Variants in PREX1 observed in about 807,000 individuals in gnomAD.
The protein encoded by PREX1 is phosphatidylinositol-3,4,5-trisphosphate dependent Rac exchange factor 1.
PREX1 carries 41 observed loss-of-function variants against 198.3 expected under a neutral mutation model. The ratio of observed to expected loss-of-function variants is 0.21; its 90% CI spans 0.16 to 0.27. The LOEUF is 0.27. PREX1 is among the 10% of genes least tolerant of loss of function. The pLI is 1.00. For missense variants in PREX1, 1,620 were observed against 2,200.7 expected (o/e 0.74, Z 5.28); for synonymous variants, 843 against 887.2 (o/e 0.95, Z 0.89).
chr20:48,777,978 G>C (rs1479522522), intron 1 of PREX1, among the ~76,000 whole-genome samples: 1 of 152,166 alleles, frequency 6.6e-6, no homozygotes, highest in Non-Finnish European at 1.5e-5. Context: ...GAAAGTGACT[G>C]AGTGAAGCTG....
chr20:48,776,773 A>G (rs1237870648), intron 1 of PREX1, among the ~76,000 whole-genome samples: 5 of 152,224 alleles, frequency 3.3e-5, no homozygotes, highest in Non-Finnish European at 2.9e-5. Flanking sequence ...AACACAAAAA[A>G]TCAGAACAGC....
chr20:48,882,652 C>A, the PREX1 span, among the ~76,000 whole-genome samples: 21 of 151,710 alleles, frequency 1.4e-4, no homozygotes, highest in Non-Finnish European at 3.1e-4. Context: ...TTTTGAGGAA[C>A]TGCCAAACTG....
upstream of PREX1, among the ~76,000 whole-genome samples, chr20:48,831,333 A>T (rs7267607): frequency 6.6e-6 from 1 of 152,210 alleles, no homozygotes; most frequent in Admixed American, 6.5e-5. Context: ...AGACCTGCTT[A>T]GTCCCCTGGC....
intron 1 of PREX1, among the ~76,000 whole-genome samples, chr20:48,812,916 A>G (rs930978841): frequency 1.3e-5 from 2 of 152,268 alleles, no homozygotes; most frequent in African/African-American, 2.4e-5. Context: ...AATGCAAGGA[A>G]CAAAGAGGAA....
intron 33 of PREX1, 93 bp from the exon 34 acceptor site, chr20:48,632,732 G>A (rs2089325319): frequency 3.4e-6 from 5 of 1,450,960 alleles, no homozygotes; most frequent in Non-Finnish European, 4.7e-6. Context: ...GCACCTCCCT[G>A]CCCCCAGGTC....
At chr20:48,648,239 A>G (rs1390471230) in intron 25 of PREX1, among the ~76,000 whole-genome samples, 1 of 152,182 alleles carries the variant, frequency 6.6e-6, no homozygotes, top group African/African-American at 2.4e-5. Flanking sequence ...CCAAGATAAC[A>G]CGTAATTCCA....
intron 3 of PREX1, among the ~76,000 whole-genome samples, chr20:48,743,995 G>A (rs2090095378): frequency 1.4e-5 from 2 of 147,026 alleles, no homozygotes; most frequent in African/African-American, 5.0e-5. Flanking sequence ...AGTTAGTGAT[G>A]ATGATGATGA....
chr20:48,685,038 G>A (rs961610321), intron 10 of PREX1, among the ~76,000 whole-genome samples: 3 of 152,136 alleles, frequency 2.0e-5, no homozygotes, highest in Admixed American at 2.0e-4. Flanking sequence ...CTGACTTCAC[G>A]CTAAGTATTT....
chr20:48,780,982 G>A (rs2122922652), intron 1 of PREX1, among the ~76,000 whole-genome samples: 1 of 152,218 alleles, frequency 6.6e-6, no homozygotes, highest in South Asian at 2.1e-4. Flanking sequence ...ATCGCTCCTG[G>A]GGTATCCCTC....
chr20:48,741,052 G>A (rs565961554), intron 3 of PREX1, among the ~76,000 whole-genome samples: 2 of 152,030 alleles, frequency 1.3e-5, no homozygotes, highest in East Asian at 3.9e-4. Flanking sequence ...ACTGTTGCAG[G>A]GGCTGGTGTG....
intron 4 of PREX1, among the ~76,000 whole-genome samples, chr20:48,727,459 AAAT>A (rs367984307): frequency 6.6e-6 from 1 of 151,752 alleles, no homozygotes; most frequent in African/African-American, 2.4e-5. Context: ...TCCCCAATAA[AAAT>A]AATAATAATA....
the PREX1 span, among the ~76,000 whole-genome samples, chr20:48,865,139 C>G: frequency 6.6e-6 from 1 of 152,140 alleles, no homozygotes; most frequent in African/African-American, 2.4e-5. Flanking sequence ...CTGGGGGAAA[C>G]AGGTACTCCC....
At chr20:48,769,444 C>CCA (rs1774090746) in intron 1 of PREX1, among the ~76,000 whole-genome samples, 2 of 152,142 alleles carry the variant, frequency 1.3e-5, no homozygotes, top group Admixed American at 1.3e-4. Flanking sequence ...GCCCCAGCAC[C>CCA]CACTAGGCAT....
chr20:48,624,933 G>A lies in PREX1; in HGVS notation c.*952C>T, dbSNP rs2089258632. On this transcript the variant is annotated 3_prime_UTR_variant, in exon 40 of 40. Coordinates refer to ENST00000371941, the MANE Select transcript of PREX1 (RefSeq NM_020820.4). ...GAGTTCTAACACCGGCCAACCGCTG[G>A]AGAATGGAGGGTGGGGGAAGGAATC... The A allele has an allele frequency of 6.6e-6, 1 of 152,424 alleles. No individual in the cohort carries two copies. The highest frequency in any genetic ancestry group is 1.5e-5 in the Non-Finnish European group (1 of 68,052). The allele number at this position is 152,424 out of a possible 1,614,324, so 9.4% of individuals were successfully genotyped here.
chr20:48,690,966 G>A lies in PREX1; in HGVS notation c.1167C>T (p.Arg389=), dbSNP rs749110326. 8.1e-5 allele frequency: 130 copies of A among 1,613,978 alleles called. No individual in the cohort carries two copies. The highest frequency in any genetic ancestry group is 1.8e-4 in the East Asian group (8 of 44,896). ...GCTCACTCTCGCGCTGCTCCCGCTC[G>A]CGGATGATGGCATCCAGCCACTTCT... is the stretch of plus-strand genomic sequence containing the variant. ...EKQKWLDAII[R]EREQRESLKL... Residue 389 remains arginine (R), a synonymous_variant, in exon 9 of 40, where the codon CGC becomes CGT. Transcript: ENST00000371941.
chr20:48,873,027 T>C, the PREX1 span, among the ~76,000 whole-genome samples: 1 of 151,908 alleles, frequency 6.6e-6, no homozygotes, highest in African/African-American at 2.4e-5. Flanking sequence ...AAACTCTCAT[T>C]TATTTCTTGC....
chr20:48,769,856 A>G (rs1248376981), intron 1 of PREX1, among the ~76,000 whole-genome samples: 3 of 152,176 alleles, frequency 2.0e-5, no homozygotes, highest in African/African-American at 7.2e-5. Context: ...CCACCTGAGA[A>G]CACTACAAAT....
intron 1 of PREX1, among the ~76,000 whole-genome samples, chr20:48,820,110 G>A (rs565838015): frequency 2.0e-5 from 3 of 152,336 alleles, no homozygotes; most frequent in Non-Finnish European, 2.9e-5. Context: ...GGAATCAGGC[G>A]GGTAAACACA....
intron 1 of PREX1, among the ~76,000 whole-genome samples, chr20:48,755,001 A>G (rs1411099697): frequency 2.0e-5 from 3 of 152,142 alleles, no homozygotes; most frequent in Non-Finnish European, 2.9e-5. Flanking sequence ...TATTTATCCT[A>G]CAGGGGAAAA....
Sources: gnomAD v4.1 joint callset for allele counts (sites outside exome capture counted in the v4.1 genomes callset) on GRCh38, gnomAD v4.1.1 for gene constraint, MANE v1.5 for transcripts, NCBI Gene and HGNC (gene_info 2026-07-23, HGNC 2026-07-21) for gene names.